MAP3K13: variants seen among roughly 807,000 people sequenced by gnomAD.
MAP3K13 encodes the protein mitogen-activated protein kinase kinase kinase 13, also known as leucine zipper-bearing kinase.
MAP3K13 carries 52 observed loss-of-function variants against 104.0 expected under a neutral mutation model. The observed-to-expected ratio is 0.50, with a 90% CI of 0.40 to 0.63. The LOEUF (loss-of-function observed/expected upper bound fraction) is 0.63. Among genes scored for constraint, MAP3K13 ranks in the 20% least tolerant of loss-of-function variants. The pLI, the probability that MAP3K13 is intolerant of heterozygous loss-of-function variation, is 0.00. For missense variants in MAP3K13, 914 were observed against 1,218.5 expected, an observed-to-expected ratio of 0.75 and a Z score of 3.72; for synonymous variants, 394 against 442.2, an observed-to-expected ratio of 0.89 and a Z score of 1.37.
intron 2 of MAP3K13, among the ~76,000 whole-genome samples, chr3:185,320,008 T>C (rs190504213): frequency 1.0e-3 from 152 of 152,348 alleles, no homozygotes; most frequent in Admixed American, 2.7e-3. Context: ...TGGCTTTTTG[T>C]TTCTTAGCCT....
Position 185,454,789 on chromosome 3 carries a change from G to GAC in MAP3K13, c.1278+3395_1278+3396insCA, listed in dbSNP as rs1198738857. On this transcript the variant is annotated intron_variant, in intron 7 of 13. Coordinates refer to ENST00000265026, the MANE Select transcript of MAP3K13 (RefSeq NM_004721.5). ...TGACATATATATGAGATATATACAT[G>GAC]ATATATATGAGATATATACATGATA... is the stretch of plus-strand genomic sequence containing the variant. Among the ~76,000 whole-genome samples, 26 of 56,132 alleles carry GAC rather than the reference G, an allele frequency of 4.6e-4. 1 individual carries two copies. Among genetic ancestry groups the GAC allele is most frequent in the African/African-American group, 9.8e-4 (14 of 14,294 alleles). The allele number at this position is 56,132 out of a possible 152,430, so 36.8% of individuals were successfully genotyped here.
chr3:185,378,589 T>G (rs992174917), intron 1 of MAP3K13, among the ~76,000 whole-genome samples: 3 of 152,012 alleles, frequency 2.0e-5, no homozygotes, highest in African/African-American at 7.2e-5. Context: ...GGGACCTGGC[T>G]TGGCCTGGCG....
In MAP3K13 at chr3:185,447,884, C is replaced by T; in HGVS notation, c.947C>T (p.Thr316Met). ...AGTACCAAGATGTCATTTGCTGGCA[C>T]GGTCGCATGGATGGCGCCAGAGGTG... Reference protein sequence around the residue: ...DKSTKMSFAGTVAWMAPEVIR... With the variant: ...DKSTKMSFAGMVAWMAPEVIR... Residue 316 changes from threonine (T) to methionine (M), a missense_variant, in exon 5 of 14, where the codon ACG becomes ATG. Coordinates refer to ENST00000265026, the MANE Select transcript of MAP3K13 (RefSeq NM_004721.5). The T allele has an allele frequency of 1.2e-6, 2 of 1,614,064 alleles. No homozygotes were observed. Among genetic ancestry groups the T allele is most frequent in the Non-Finnish European group, 1.7e-6 (2 of 1,179,982 alleles).
At chr3:185,448,721 T>G (rs1010687259) in intron 5 of MAP3K13, among the ~76,000 whole-genome samples, 6 of 152,244 alleles carry the variant, frequency 3.9e-5, no homozygotes, top group African/African-American at 1.4e-4. Context: ...GAGTGTTTTC[T>G]CAGTCTCACC....
intron 2 of MAP3K13, among the ~76,000 whole-genome samples, chr3:185,340,323 G>A (rs762675967): frequency 2.0e-5 from 3 of 152,142 alleles, no homozygotes; most frequent in East Asian, 1.9e-4. Context: ...GAAAAGAGGC[G>A]ACAGGGCACT....
intron 3 of MAP3K13, among the ~76,000 whole-genome samples, chr3:185,440,108 A>C (rs1715245295): frequency 6.6e-6 from 1 of 152,218 alleles, no homozygotes; most frequent in Non-Finnish European, 1.5e-5. Context: ...AGTACAAGAT[A>C]AGAATGCTAT....
At chr3:185,449,626 TTATTTCTGGATTTCTTG>T (rs1265683239) in intron 5 of MAP3K13, among the ~76,000 whole-genome samples, 4 of 152,262 alleles carry the variant, frequency 2.6e-5, no homozygotes, top group African/African-American at 7.2e-5. Flanking sequence ...TGTATTTGGT[TTATTTCTGGATTTCTTG>T]TCCAGTCCAT....
intron 2 of MAP3K13, among the ~76,000 whole-genome samples, chr3:185,353,561 G>A (rs757337844): frequency 2.6e-5 from 4 of 152,166 alleles, no homozygotes; most frequent in Non-Finnish European, 5.9e-5. Context: ...AAATACATAA[G>A]GAGGCAGCTT....
In MAP3K13 at chr3:185,473,541, C is replaced by G; in HGVS notation, c.2210C>G (p.Pro737Arg). 1 of 1,614,210 alleles carries G rather than the reference C, an allele frequency of 6.2e-7. No homozygotes were observed. Among genetic ancestry groups the G allele is most frequent in the Non-Finnish European group, 8.5e-7 (1 of 1,180,040 alleles). The part of the protein sequence containing the change: ...DAYDPCLQCR[P>R]EQYGSLDIPS... ...TATGACCCCTGCCTTCAGTGCAGGC[C>G]AGAACAGTATGGGTCCTTAGACATA... The change falls in exon 11 of 14, where the codon CCA becomes CGA. Residue 737 changes from proline to arginine, a missense_variant. Pro to Arg is a moderately radical substitution (Grantham distance 103). Coordinates refer to ENST00000265026, the MANE Select transcript of MAP3K13 (RefSeq NM_004721.5). The surrounding 1 kb of genome is among the most constrained non-coding windows in gnomAD (Gnocchi z 4.9).
chr3:185,316,870 TG>T (rs1721696846), intron 2 of MAP3K13, among the ~76,000 whole-genome samples: 1 of 152,186 alleles, frequency 6.6e-6, no homozygotes, highest in Non-Finnish European at 1.5e-5. Flanking sequence ...ATTGTGAGCT[TG>T]GGCAGGAAGG....
chr3:185,472,518 T>G (rs1223279762), intron 10 of MAP3K13, among the ~76,000 whole-genome samples: 3 of 152,144 alleles, frequency 2.0e-5, no homozygotes, highest in Non-Finnish European at 4.4e-5. Flanking sequence ...GCCCATCCCT[T>G]CTTAAAGAAG....
chr3:185,457,163 C>G (rs907624684), intron 7 of MAP3K13, among the ~76,000 whole-genome samples: 3 of 151,968 alleles, frequency 2.0e-5, no homozygotes, highest in African/African-American at 7.3e-5. Context: ...TGAACCGCTC[C>G]CAGATTATCA....
intron 2 of MAP3K13, among the ~76,000 whole-genome samples, chr3:185,288,534 T>G (rs7640216): frequency 0.14 from 20,722 of 148,014 alleles, 1,854 homozygotes; most frequent in African/African-American, 0.23. Flanking sequence ...GTGTGTGTGT[T>G]TGTGTGTATA....
At chr3:185,455,349 TGA>T (rs1359744291) in intron 7 of MAP3K13, among the ~76,000 whole-genome samples, 1 of 60,888 alleles carries the variant, frequency 1.6e-5, no homozygotes, top group African/African-American at 5.5e-5. Context: ...GAGATATATA[TGA>T]TATATATATG....
chr3:185,471,958 A>G (rs1372015017), intron 10 of MAP3K13, among the ~76,000 whole-genome samples: 2 of 152,212 alleles, frequency 1.3e-5, no homozygotes, highest in Admixed American at 6.5e-5. Flanking sequence ...CTGCTCTTGT[A>G]TGCAGCTGAT....
At chr3:185,400,214 C>A (rs988316782) in intron 1 of MAP3K13, among the ~76,000 whole-genome samples, 1 of 152,214 alleles carries the variant, frequency 6.6e-6, no homozygotes, top group African/African-American at 2.4e-5. Context: ...TTGTGCGTCT[C>A]CCCAAACAAC....
At chr3:185,398,130 G>C (rs924031956) in intron 1 of MAP3K13, among the ~76,000 whole-genome samples, 2 of 152,044 alleles carry the variant, frequency 1.3e-5, no homozygotes, top group African/African-American at 2.4e-5. Flanking sequence ...GACTTGTGGG[G>C]GTGAGGAGAG....
At position 185,485,011 on chromosome 3, in the gene MAP3K13, A is replaced by G. The variant is rs1718652842; in HGVS notation, c.*2555A>G. On this transcript the variant is annotated 3_prime_UTR_variant, in exon 14 of 14. Transcript: ENST00000265026. ...TCTGAGGACGCATGTTCTGCCCTGA[A>G]GCCCAATGGATACATTGTGATTTTG... 6.6e-6 allele frequency: 1 copy of G among 152,188 alleles called. No individual in the cohort carries two copies. The highest frequency in any genetic ancestry group is 2.4e-5 in the African/African-American group (1 of 41,446). 9.4% of individuals were successfully genotyped at this position (152,188 alleles called of 1,614,324 possible).
At chr3:185,398,385 G>A (rs1330370965) in intron 1 of MAP3K13, among the ~76,000 whole-genome samples, 2 of 152,144 alleles carry the variant, frequency 1.3e-5, no homozygotes, top group Non-Finnish European at 2.9e-5. Context: ...GAAGGCAGAT[G>A]AGCAGCCTCT....
Sources: gnomAD v4.1 joint callset for allele counts (sites outside exome capture counted in the v4.1 genomes callset) on GRCh38, gnomAD v4.1.1 for gene constraint, Gnocchi (gnomAD v3.1) non-coding constraint, MANE v1.5 for transcripts, NCBI Gene and HGNC (gene_info 2026-07-23, HGNC 2026-07-21) for gene names.